RCOR1: variants seen among roughly 807,000 people sequenced by gnomAD.
RCOR1 encodes REST corepressor.
Under a neutral mutation model 64.0 loss-of-function variants are expected in RCOR1, and 12 were observed. That is an observed-to-expected ratio of 0.19 (90% confidence interval 0.12 to 0.30). The LOEUF is 0.30. RCOR1 is among the 10% of genes least tolerant of loss of function. The probability of loss-of-function intolerance (pLI) is 1.00; values close to 1 mark genes in which losing one functional copy is unlikely to be tolerated. For synonymous variants in RCOR1, 279 were observed against 227.2 expected, an observed-to-expected ratio of 1.23 and a Z score of -2.05; for missense variants, 502 against 621.2, an observed-to-expected ratio of 0.81 and a Z score of 2.04.
intron 2 of RCOR1, among the ~76,000 whole-genome samples, chr14:102,642,298 C>A (rs1894385718): frequency 6.6e-6 from 1 of 152,112 alleles, no homozygotes; most frequent in South Asian, 2.1e-4. Context: ...TATTCAGTGC[C>A]TCATGTTTCT....
intron 8 of RCOR1, among the ~76,000 whole-genome samples, chr14:102,720,220 C>A (rs1052460618): frequency 2.0e-5 from 3 of 152,142 alleles, no homozygotes; most frequent in Admixed American, 6.5e-5. Context: ...TTCCCTGGTG[C>A]TTGACACGGA....
At position 102,592,773 on chromosome 14, in the gene RCOR1, T is replaced by C. The variant is rs1187256720; in HGVS notation, c.-114T>C. ...CCGACTCGGACTCGCGCCCGTGGGC[T>C]CCCGCCGCGCCCGCCCGGCCCCGCG... On this transcript the variant is annotated 5_prime_UTR_variant, in exon 1 of 12. Transcript: ENST00000262241. The C allele has an allele frequency of 2.5e-6, 3 of 1,197,424 alleles. No individual in the cohort carries two copies. In the African/African-American group the frequency reaches 4.9e-5, roughly 20 times the overall value. The allele number at this position is 1,197,424 out of a possible 1,614,324, so 74.2% of individuals were successfully genotyped here.
At chr14:102,693,853 A>G (rs1329267062) in intron 3 of RCOR1, among the ~76,000 whole-genome samples, 1 of 151,628 alleles carries the variant, frequency 6.6e-6, no homozygotes, top group Non-Finnish European at 1.5e-5. Context: ...TTAAGCATTT[A>G]TGCTTTTTTT....
At chr14:102,697,042 G>C (rs35540117) in intron 3 of RCOR1, among the ~76,000 whole-genome samples, 20,659 of 152,068 alleles carry the variant, frequency 0.14, 2,679 homozygotes, top group African/African-American at 0.34. Flanking sequence ...TGGCAGCTAT[G>C]CATGTCCCTT....
intron 4 of RCOR1, among the ~76,000 whole-genome samples, chr14:102,702,242 C>T (rs1895769495): frequency 6.6e-6 from 1 of 152,000 alleles, no homozygotes; most frequent in South Asian, 2.1e-4. Flanking sequence ...ATTACTCTAT[C>T]CTGGTCATTG....
intron 2 of RCOR1, among the ~76,000 whole-genome samples, chr14:102,678,331 G>A (rs527474857): frequency 1.3e-5 from 2 of 152,034 alleles, no homozygotes; most frequent in African/African-American, 2.4e-5. Flanking sequence ...GTGGTGTCTC[G>A]CTCTGTCGCC....
chr14:102,697,756 T>A (rs969834654), intron 3 of RCOR1, among the ~76,000 whole-genome samples: 1 of 151,688 alleles, frequency 6.6e-6, no homozygotes, highest in African/African-American at 2.4e-5. Flanking sequence ...GGTCTCGCTC[T>A]GTTGCCCAGG....
chr14:102,728,105 T>C lies in RCOR1; in HGVS notation c.*1599T>C, dbSNP rs1196448482. ...TTGTTTTTTGTTGTTGTTGTTGTTG[T>C]TGAAGTCAGCTGATTTTCTCTTTAG... On this transcript the variant is annotated 3_prime_UTR_variant, in exon 12 of 12. Coordinates refer to ENST00000262241, the MANE Select transcript of RCOR1 (RefSeq NM_015156.4). The C allele has an allele frequency of 1.3e-5, 2 of 152,624 alleles. No individual in the cohort carries two copies. Among genetic ancestry groups the C allele is most frequent in the Non-Finnish European group, 2.9e-5 (2 of 68,054 alleles). The allele number at this position is 152,624 out of a possible 1,614,324, so 9.5% of individuals were successfully genotyped here.
intron 3 of RCOR1, among the ~76,000 whole-genome samples, chr14:102,685,753 A>G (rs1183870366): frequency 1.3e-5 from 2 of 152,306 alleles, no homozygotes; most frequent in East Asian, 3.9e-4. Context: ...CTTGAGCTCA[A>G]GAGTTTGAGA....
At chr14:102,717,842 A>G (rs1015238328) in intron 8 of RCOR1, among the ~76,000 whole-genome samples, 4 of 152,122 alleles carry the variant, frequency 2.6e-5, no homozygotes, top group Non-Finnish European at 5.9e-5. Flanking sequence ...ACAATTATGA[A>G]GAGGGAGGAC....
chr14:102,676,626 T>TG (rs764478050), intron 2 of RCOR1, among the ~76,000 whole-genome samples: 11,727 of 46,322 alleles, frequency 0.25, 1,183 homozygotes, highest in East Asian at 0.31. Flanking sequence ...GCTGGCCAGG[T>TG]GGGGGGCTGA....
Position 102,592,860 on chromosome 14 carries a change from A to T in RCOR1, c.-27A>T. ...TCCTCAGGAGCCGCGGGTCCCCGCC[A>T]CTTTCGCACGGCCCCGGCCCCCGCC... On this transcript the variant is annotated 5_prime_UTR_variant, in exon 1 of 12. Transcript: ENST00000262241. 8.5e-7 allele frequency: 1 copy of T among 1,176,468 alleles called. No homozygotes were observed. The highest frequency in any genetic ancestry group is 1.0e-6 in the Non-Finnish European group (1 of 955,826). 72.9% of individuals were successfully genotyped at this position (1,176,468 alleles called of 1,614,324 possible).
At chr14:102,662,707 A>G in intron 2 of RCOR1, 1 of 432,746 alleles carries the variant, frequency 2.3e-6, no homozygotes, top group South Asian at 1.9e-5. Flanking sequence ...TTTCGGTGCC[A>G]TCTTGTGAAA....
At chr14:102,670,031 A>C (rs1006321660) in intron 2 of RCOR1, among the ~76,000 whole-genome samples, 1 of 152,066 alleles carries the variant, frequency 6.6e-6, no homozygotes, top group East Asian at 1.9e-4. Flanking sequence ...GCTCACTGCA[A>C]CCTCTGCCTC....
rs778957818 is a variant in RCOR1, at chr14:102,593,167, C to T, written c.281C>T (p.Ser94Leu). The change falls in exon 1 of 12, where the codon TCG becomes TTG. Residue 94 changes from serine (S) to leucine (L), a missense_variant. Coordinates refer to ENST00000262241, the MANE Select transcript of RCOR1 (RefSeq NM_015156.4). ...SNSWEEGSSGSSSDEEHGGGG... is the reference protein window; with the variant it reads ...SNSWEEGSSGLSSDEEHGGGG... ...TCCTGGGAGGAAGGCAGCTCGGGCT[C>T]GTCCAGCGACGAGGAGCACGGTAGG... 4.4e-5 allele frequency: 67 copies of T among 1,520,082 alleles called. No individual in the cohort carries two copies. Among genetic ancestry groups the T allele is most frequent in the Admixed American group, 9.1e-5 (4 of 44,140 alleles). 94.2% of individuals were successfully genotyped at this position (1,520,082 alleles called of 1,614,324 possible).
intron 7 of RCOR1, among the ~76,000 whole-genome samples, chr14:102,713,800 T>G (rs767919539): frequency 3.9e-5 from 6 of 152,238 alleles, no homozygotes; most frequent in Non-Finnish European, 8.8e-5. Flanking sequence ...TATTTTCAGC[T>G]TTATCAGTGA....
At chr14:102,673,614 C>T (rs1484035344) in intron 2 of RCOR1, among the ~76,000 whole-genome samples, 2 of 146,528 alleles carry the variant, frequency 1.4e-5, no homozygotes, top group Non-Finnish European at 3.0e-5. Context: ...GGATTACAGG[C>T]GTGAGCCATG....
chr14:102,710,432 T>C (rs1895934235), intron 6 of RCOR1, among the ~76,000 whole-genome samples: 1 of 152,210 alleles, frequency 6.6e-6, no homozygotes, highest in Non-Finnish European at 1.5e-5. Flanking sequence ...ACATCAGTTG[T>C]CCAGGACACC....
intron 3 of RCOR1, among the ~76,000 whole-genome samples, chr14:102,690,281 A>G (rs537591699): frequency 6.6e-6 from 1 of 152,366 alleles, no homozygotes; most frequent in Admixed American, 6.5e-5. Context: ...AATAATGTGT[A>G]ATATATCATA....
Sources: gnomAD v4.1 joint callset for allele counts (sites outside exome capture counted in the v4.1 genomes callset) on GRCh38, gnomAD v4.1.1 for gene constraint, MANE v1.5 for transcripts, NCBI Gene and HGNC (gene_info 2026-07-23, HGNC 2026-07-21) for gene names.